The following SAMMSON variants were observed in gnomAD, a reference collection of about 807,000 sequenced individuals.
SAMMSON encodes the protein survival associated mitochondrial melanoma specific oncogenic non-coding RNA, also known as long intergenic non-protein coding RNA 1212.
At chr3:70,042,292 A>G (rs2067109134) in intron 3 of SAMMSON, among the ~76,000 whole-genome samples, 1 of 152,048 alleles carries the variant, frequency 6.6e-6, no homozygotes, top group Non-Finnish European at 1.5e-5. Context: ...TGTCACCTCA[A>G]GCTAATGTGT....
intron 4 of SAMMSON, among the ~76,000 whole-genome samples, chr3:70,168,043 T>C (rs2067645016): frequency 6.6e-6 from 1 of 151,992 alleles, no homozygotes; most frequent in Non-Finnish European, 1.5e-5. Context: ...AAGTAAAGCA[T>C]TGTTTCCATG....
At chr3:70,034,575 G>A (rs1322490069) in intron 3 of SAMMSON, among the ~76,000 whole-genome samples, 2 of 152,164 alleles carry the variant, frequency 1.3e-5, no homozygotes, top group Non-Finnish European at 2.9e-5. Context: ...CAGGCGTGGT[G>A]GCTCACGCTT....
At chr3:70,188,508 AT>A (rs774009275) in intron 4 of SAMMSON, among the ~76,000 whole-genome samples, 6 of 152,232 alleles carry the variant, frequency 3.9e-5, no homozygotes, top group Non-Finnish European at 7.3e-5. Context: ...AGAAGTGCTC[AT>A]TTCCTGGAGG....
chr3:70,195,570 G>GA (rs998581884), intron 4 of SAMMSON, among the ~76,000 whole-genome samples: 2 of 152,084 alleles, frequency 1.3e-5, no homozygotes, highest in Admixed American at 6.5e-5. Context: ...CCTAAGTCAG[G>GA]AAAAAACAGG....
chr3:70,108,568 A>G (rs1037328733), intron 4 of SAMMSON, among the ~76,000 whole-genome samples: 10 of 151,826 alleles, frequency 6.6e-5, no homozygotes, highest in Admixed American at 6.6e-5. Flanking sequence ...CCAAATTCAT[A>G]TACTGAAACT....
intron 3 of SAMMSON, among the ~76,000 whole-genome samples, chr3:70,040,090 ACT>A (rs1381815122): frequency 2.6e-5 from 4 of 152,042 alleles, no homozygotes; most frequent in Non-Finnish European, 4.4e-5. Context: ...CCAGCTCCCT[ACT>A]TACCAGCTGA....
chr3:70,091,366 A>T (rs2067304223), intron 4 of SAMMSON, among the ~76,000 whole-genome samples: 1 of 152,162 alleles, frequency 6.6e-6, no homozygotes, highest in Non-Finnish European at 1.5e-5. Context: ...CCACTGAAAC[A>T]AGCTTACAAG....
intron 1 of SAMMSON, among the ~76,000 whole-genome samples, chr3:70,005,438 CCTT>C (rs2066922851): frequency 6.6e-6 from 1 of 152,136 alleles, no homozygotes; most frequent in African/African-American, 2.4e-5. Context: ...CACCATGTGT[CCTT>C]CTTTCTCCAT....
rs1029354920 is a variant in SAMMSON at position 70,427,535 on chromosome 3, C to T, written n.234-35025C>T. Among the ~76,000 whole-genome samples the T allele has an allele frequency of 2.6e-5, 4 of 152,012 alleles. No individual in the cohort carries two copies. The South Asian group carries it at 6.2e-4, about 24-fold the overall frequency. On this transcript the variant is annotated intron_variant and non_coding_transcript_variant, in intron 2 of 3. Transcript: ENST00000641053. ...TGGGCGGATCACGAGGTCAGGAGAT[C>T]GAGACCATCCTGGCTGACACGGTGA...
chr3:70,127,290 C>T (rs566037830), intron 4 of SAMMSON: 3 of 152,230 alleles, frequency 2.0e-5, no homozygotes, highest in African/African-American at 4.8e-5. Context: ...CTTTCAGGAT[C>T]CTCTTACTAC....
At chr3:70,087,863 G>T (rs558635836) in intron 4 of SAMMSON, among the ~76,000 whole-genome samples, 1 of 152,232 alleles carries the variant, frequency 6.6e-6, no homozygotes, top group Non-Finnish European at 1.5e-5. Context: ...AAATAAATAA[G>T]CATACTAATT....
chr3:70,159,700 A>C (rs888156567), intron 4 of SAMMSON: 1 of 151,934 alleles, frequency 6.6e-6, no homozygotes, highest in African/African-American at 2.4e-5. Flanking sequence ...CTGGGACTAC[A>C]AGCATGCACC....
chr3:70,265,152 C>T (rs1701904497), intron 6 of SAMMSON, among the ~76,000 whole-genome samples: 1 of 152,096 alleles, frequency 6.6e-6, no homozygotes, highest in South Asian at 2.1e-4. Context: ...AGCTACAATT[C>T]AAGATTGGGT....
intron 2 of SAMMSON, among the ~76,000 whole-genome samples, chr3:70,431,705 A>C (rs1472174256): frequency 6.6e-6 from 1 of 152,076 alleles, no homozygotes; most frequent in Non-Finnish European, 1.5e-5. Flanking sequence ...ACTCTAAACA[A>C]GATATAGAAT....
At chr3:70,252,288 C>T (rs1177415878) in intron 6 of SAMMSON, among the ~76,000 whole-genome samples, 1 of 152,098 alleles carries the variant, frequency 6.6e-6, no homozygotes. Context: ...GTATCGTATG[C>T]TGTGATTTTC....
chr3:70,248,365 T>C (rs1207451995), intron 4 of SAMMSON, among the ~76,000 whole-genome samples: 1 of 152,034 alleles, frequency 6.6e-6, no homozygotes, highest in Non-Finnish European at 1.5e-5. Flanking sequence ...TTGAAAAGCA[T>C]GTTATATTGA....
At chr3:70,120,342 C>G (rs1266582716) in intron 4 of SAMMSON, 1 of 152,168 alleles carries the variant, frequency 6.6e-6, no homozygotes, top group East Asian at 1.9e-4. Context: ...GTCGGTCAGC[C>G]AGTGCTCTGA....
At chr3:70,276,295 C>G (rs1215789514) in intron 6 of SAMMSON, among the ~76,000 whole-genome samples, 1 of 152,120 alleles carries the variant, frequency 6.6e-6, no homozygotes, top group South Asian at 2.1e-4. Flanking sequence ...ATTTTATATA[C>G]TGTCATTTTA....
intron 7 of SAMMSON, among the ~76,000 whole-genome samples, chr3:70,292,648 C>A (rs1394734073): frequency 6.6e-6 from 1 of 151,904 alleles, no homozygotes; most frequent in African/African-American, 2.4e-5. Context: ...ATTTAAACTC[C>A]CTAATGATTG....
Sources: allele counts gnomAD v4.1 joint callset (sites outside exome capture counted in the v4.1 genomes callset), GRCh38; gene constraint gnomAD v4.1.1; transcripts MANE v1.5; gene names NCBI Gene and HGNC (gene_info 2026-07-23, HGNC 2026-07-21).